Variants in KCNN2 observed in about 807,000 individuals in gnomAD.
The protein encoded by KCNN2 is small conductance calcium-activated potassium channel protein 2.
In KCNN2, 24 loss-of-function variants were observed where a neutral mutation model predicts 55.5. The observed-to-expected ratio is 0.43, with a 90% CI of 0.31 to 0.61. KCNN2 has a LOEUF of 0.61. Among genes scored for constraint, KCNN2 ranks in the 20% least tolerant of loss-of-function variants. The probability of loss-of-function intolerance (pLI) is 0.08; values close to 1 mark genes in which losing one functional copy is unlikely to be tolerated. For synonymous variants in KCNN2, 431 were observed against 336.1 expected, an observed-to-expected ratio of 1.28 and a Z score of -3.09; for missense variants, 754 against 853.6, an observed-to-expected ratio of 0.88 and a Z score of 1.45.
Position 114,372,957 on chromosome 5 carries a change from A to T in KCNN2, c.1218+8956A>T, listed in dbSNP as rs10053709. Among the ~76,000 whole-genome samples, 888 of 152,272 alleles carry T rather than the reference A, an allele frequency of 5.8e-3. 12 individuals carry two copies. Among genetic ancestry groups the T allele is most frequent in the African/African-American group, 0.02 (826 of 41,568 alleles). On this transcript the variant is annotated intron_variant, in intron 2 of 7. Coordinates refer to ENST00000673685, the MANE Select transcript of KCNN2 (RefSeq NM_021614.4). The stretch of plus-strand genomic sequence containing the variant: ...TTATAACAAATACCCTTGCACATTA[A>T]CTTTTGTGAGCATCTCTTGTGATTT...
At chr5:114,283,810 C>G (rs930516239) in intron 2 of KCNN2, among the ~76,000 whole-genome samples, 1 of 152,190 alleles carries the variant, frequency 6.6e-6, no homozygotes, top group East Asian at 1.9e-4. Flanking sequence ...CCTAGATGAT[C>G]TGCCAAAATA....
At chr5:114,267,342 G>T (rs1306293529) in intron 2 of KCNN2, among the ~76,000 whole-genome samples, 1 of 152,108 alleles carries the variant, frequency 6.6e-6, no homozygotes, top group African/African-American at 2.4e-5. Flanking sequence ...TTTCGTGTGA[G>T]CATCTCTGGA....
intron 2 of KCNN2, among the ~76,000 whole-genome samples, chr5:114,397,877 G>T (rs983000019): frequency 6.6e-6 from 1 of 151,988 alleles, no homozygotes; most frequent in Non-Finnish European, 1.5e-5. Context: ...TTTTTAATGG[G>T]GTTGTTTGTT....
chr5:114,101,491 T>C (rs1272911637), intron 1 of KCNN2, among the ~76,000 whole-genome samples: 1 of 151,816 alleles, frequency 6.6e-6, no homozygotes, highest in Non-Finnish European at 1.5e-5. Flanking sequence ...ACGTGCAGGT[T>C]TGTTACATAG....
At chr5:114,177,327 C>T (rs1227249172) in intron 1 of KCNN2, among the ~76,000 whole-genome samples, 2 of 151,858 alleles carry the variant, frequency 1.3e-5, no homozygotes, top group African/African-American at 2.4e-5. Flanking sequence ...TTAGTAGAGA[C>T]GGGGTTTCAC....
chr5:114,473,444 A>G (rs1372157067), intron 5 of KCNN2, among the ~76,000 whole-genome samples: 1 of 152,198 alleles, frequency 6.6e-6, no homozygotes, highest in Non-Finnish European at 1.5e-5. Flanking sequence ...ATATGAGGCC[A>G]ATTCTTGGAT....
rs1051137998 is a variant in KCNN2 at position 114,152,245 on chromosome 5, T to G, written c.-270-69235T>G. Among the ~76,000 whole-genome samples the G allele has an allele frequency of 1.6e-3, 237 of 152,298 alleles. 1 individual carries two copies. The highest frequency in any genetic ancestry group is 5.5e-3 in the African/African-American group (230 of 41,570). On this transcript the variant is annotated intron_variant, in intron 1 of 10. Transcript: ENST00000512097. ...CCTTTAAAAAGTCATGTTTTGGGAT[T>G]CAGAAAAATATTGATAATATCATGA...
intron 2 of KCNN2, among the ~76,000 whole-genome samples, chr5:114,368,829 A>G (rs1288806205): frequency 6.6e-6 from 1 of 150,798 alleles, no homozygotes; most frequent in African/African-American, 2.4e-5. Flanking sequence ...TCTGTATTAT[A>G]TCTTGGAGGT....
At position 114,364,007 on chromosome 5, in the gene KCNN2, T is replaced by G. The variant is rs778820623; in HGVS notation, c.1218+6T>G. The G allele has an allele frequency of 1.9e-6, 3 of 1,605,856 alleles. No individual in the cohort carries two copies. In the Admixed American group the frequency reaches 5.0e-5, roughly 27 times the overall value. ...ACCACGCCAGGGAAATACAGGTAAC[T>G]TAGGTCCTGCTGTTTATGAATGACC... is the stretch of plus-strand genomic sequence containing the variant. On this transcript the variant is annotated splice_donor_region_variant and intron_variant, in intron 2 of 7. Transcript: ENST00000673685.
At chr5:114,401,683 G>A (rs1003149688) in intron 2 of KCNN2, among the ~76,000 whole-genome samples, 5 of 152,176 alleles carry the variant, frequency 3.3e-5, no homozygotes, top group Non-Finnish European at 5.9e-5. Context: ...AGGAGCTGAC[G>A]TGGAGTTTGG....
At chr5:114,263,895 C>T (rs192409222) in intron 2 of KCNN2, among the ~76,000 whole-genome samples, 1 of 152,266 alleles carries the variant, frequency 6.6e-6, no homozygotes, top group Admixed American at 6.5e-5. Flanking sequence ...ATGCACAGCT[C>T]CATGCAGGAT....
chr5:114,362,711 C>T lies in KCNN2; in HGVS notation c.572C>T (p.Pro191Leu), dbSNP rs1004541479. 58 of 1,498,672 alleles carry T rather than the reference C, an allele frequency of 3.9e-5. 1 individual carries two copies. The highest frequency in any genetic ancestry group is 3.1e-4 in the African/African-American group (22 of 71,818). The allele number at this position is 1,498,672 out of a possible 1,614,324, so 92.8% of individuals were successfully genotyped here. A position where few individuals can be genotyped will look rare whatever the true frequency, so the allele number is the denominator to read the frequency against. ...PLSHHHHHPH[P>L]AHHQHHQPQA... ...TCGCACCACCACCACCACCCGCACC[C>T]GGCGCACCACCAGCACCACCAGCCC... The change falls in exon 1 of 8, where the codon CCG (proline) becomes CTG (leucine). Residue 191 changes from proline (P) to leucine (L), a missense_variant. Pro to Leu is a moderately conservative substitution (Grantham distance 98). Around this residue, in one of 4 missense-constraint regions of KCNN2, gnomAD observed 381 missense variants for 259.1 expected, o/e 1.47. Coordinates refer to ENST00000673685, the MANE Select transcript of KCNN2 (RefSeq NM_021614.4).
At chr5:114,295,068 T>C (rs553033967) in intron 2 of KCNN2, among the ~76,000 whole-genome samples, 1 of 152,188 alleles carries the variant, frequency 6.6e-6, no homozygotes, top group East Asian at 1.9e-4. Flanking sequence ...TTGGAAGTTT[T>C]GTCTCAGAGG....
chr5:114,150,933 A>T (rs1033641037), intron 1 of KCNN2, among the ~76,000 whole-genome samples: 5 of 152,148 alleles, frequency 3.3e-5, no homozygotes, highest in African/African-American at 1.2e-4. Flanking sequence ...AGGCAGGAGA[A>T]TTGCTTGAAC....
intron 1 of KCNN2, among the ~76,000 whole-genome samples, chr5:114,171,466 C>T (rs192183976): frequency 5.3e-5 from 8 of 151,906 alleles, no homozygotes; most frequent in African/African-American, 9.6e-5. Flanking sequence ...ACTAATTATT[C>T]GATTAATATT....
intron 1 of KCNN2, among the ~76,000 whole-genome samples, chr5:114,167,081 AT>A (rs1425076846): frequency 6.6e-6 from 1 of 152,150 alleles, no homozygotes; most frequent in Non-Finnish European, 1.5e-5. Context: ...AAGATATTTC[AT>A]TCAATTGCCT....
chr5:114,131,356 C>T (rs1461655456), intron 1 of KCNN2, among the ~76,000 whole-genome samples: 3 of 152,118 alleles, frequency 2.0e-5, no homozygotes, highest in Admixed American at 2.0e-4. Flanking sequence ...TGTTCAGCTC[C>T]CACTTATAAG....
chr5:114,194,383 A>G (rs10463438), intron 1 of KCNN2, among the ~76,000 whole-genome samples: 2,991 of 152,132 alleles, frequency 0.02, 218 homozygotes, highest in East Asian at 0.14. Context: ...CTTTTTTATT[A>G]TAGCCATCCT....
At chr5:114,093,423 G>T (rs1751190286) in intron 1 of KCNN2, among the ~76,000 whole-genome samples, 1 of 152,138 alleles carries the variant, frequency 6.6e-6, no homozygotes, top group Non-Finnish European at 1.5e-5. Context: ...TCCAGCCTCT[G>T]CCTGTTATCC....
Sources: gnomAD v4.1 joint callset for allele counts (sites outside exome capture counted in the v4.1 genomes callset) on GRCh38, gnomAD v4.1.1 for gene constraint, gnomAD v4.1.1 regional missense constraint, MANE v1.5 for transcripts, NCBI Gene and HGNC (gene_info 2026-07-23, HGNC 2026-07-21) for gene names.